AFF3: variants seen among roughly 807,000 people sequenced by gnomAD.
AFF3 encodes AF4/FMR2 family member 3.
In AFF3, 32 loss-of-function variants were observed where a neutral mutation model predicts 129.7. The observed-to-expected ratio is 0.25, with a 90% confidence interval of 0.19 to 0.33. AFF3 has a LOEUF of 0.33. Ranked by LOEUF, AFF3 falls within the 10% of genes least tolerant of loss-of-function variation. AFF3 has a pLI of 1.00. For synonymous variants in AFF3, 644 were observed against 635.4 expected (o/e 1.01, Z -0.20); for missense variants, 1,373 against 1,592.0 (o/e 0.86, Z 2.34).
intron 7 of AFF3, among the ~76,000 whole-genome samples, chr2:99,957,147 G>A (rs1156935240): frequency 2.2e-5 from 2 of 90,170 alleles, no homozygotes; most frequent in East Asian, 2.0e-4. Context: ...GTGGACATAC[G>A]TGTGTGTGTG....
At chr2:99,731,663 A>C (rs1558795374) in intron 10 of AFF3, among the ~76,000 whole-genome samples, 1 of 152,198 alleles carries the variant, frequency 6.6e-6, no homozygotes, top group East Asian at 1.9e-4. Flanking sequence ...GTCAAGTAAA[A>C]AATCATAAAC....
At chr2:100,111,223 A>G (rs2105528529) in intron 2 of AFF3, among the ~76,000 whole-genome samples, 1 of 152,370 alleles carries the variant, frequency 6.6e-6, no homozygotes, top group East Asian at 1.9e-4. Flanking sequence ...CTAACCCATT[A>G]GAGAAGTCAC....
intron 8 of AFF3, among the ~76,000 whole-genome samples, chr2:99,803,882 T>C (rs1256419105): frequency 2.0e-5 from 3 of 152,056 alleles, no homozygotes; most frequent in Non-Finnish European, 4.4e-5. Context: ...CAGCCACATG[T>C]AGAGGAATGA....
chr2:99,816,362 T>C (rs1454673711), intron 8 of AFF3, among the ~76,000 whole-genome samples: 1 of 152,234 alleles, frequency 6.6e-6, no homozygotes, highest in African/African-American at 2.4e-5. Flanking sequence ...TGATGACTGC[T>C]TTATCCCTTC....
chr2:99,767,679 T>G (rs7578433), intron 8 of AFF3, among the ~76,000 whole-genome samples: 1 of 152,348 alleles, frequency 6.6e-6, no homozygotes, highest in Non-Finnish European at 1.5e-5. Flanking sequence ...GAGCTGCAGC[T>G]GGGTGCGGTG....
At chr2:100,093,141 C>T (rs1225645434) in intron 4 of AFF3, among the ~76,000 whole-genome samples, 1 of 151,864 alleles carries the variant, frequency 6.6e-6, no homozygotes, top group Non-Finnish European at 1.5e-5. Context: ...AGGTCTCTCT[C>T]TGCCATCCAG....
chr2:99,806,567 G>A (rs1686369068), intron 8 of AFF3, among the ~76,000 whole-genome samples: 1 of 152,090 alleles, frequency 6.6e-6, no homozygotes, highest in Non-Finnish European at 1.5e-5. Flanking sequence ...CAGACTTGAT[G>A]GGGGGAAATC....
chr2:99,586,727 T>G (rs887778500), intron 16 of AFF3, among the ~76,000 whole-genome samples: 7 of 152,162 alleles, frequency 4.6e-5, no homozygotes, highest in Non-Finnish European at 1.0e-4. Flanking sequence ...AAGGCCACAA[T>G]TTTAGTCTAT....
chr2:99,585,098 C>T (rs915300985), intron 16 of AFF3, among the ~76,000 whole-genome samples: 1 of 152,134 alleles, frequency 6.6e-6, no homozygotes, highest in Non-Finnish European at 1.5e-5. Context: ...CTAGTGATGG[C>T]TAAGATGCTG....
chr2:99,551,380 A>G lies in AFF3; in HGVS notation c.*94T>C. 1.3e-6 allele frequency: 2 copies of G among 1,512,234 alleles called. No individual in the cohort carries two copies. The highest frequency in any genetic ancestry group is 1.8e-6 in the Non-Finnish European group (2 of 1,107,614). 93.7% of individuals were successfully genotyped at this position (1,512,234 alleles called of 1,614,324 possible). On this transcript the variant is annotated 3_prime_UTR_variant, in exon 25 of 25. Coordinates refer to ENST00000672756, the MANE Select transcript of AFF3 (RefSeq NM_001386135.1). ...GAGGAAATGTTCACCGCAGTCTGAT[A>G]AATGCTGTGGCTGGGAGTTTCAGTA...
chr2:99,778,017 T>C (rs893716507), intron 8 of AFF3, among the ~76,000 whole-genome samples: 2 of 135,308 alleles, frequency 1.5e-5, no homozygotes, highest in Non-Finnish European at 3.1e-5. Flanking sequence ...AAATGGGCAA[T>C]GTGCATGTCC....
rs540845945 is a variant in AFF3, at chr2:99,747,590, A to T, written c.1003-3450T>A. Among the ~76,000 whole-genome samples, 17 of 152,294 alleles carry T rather than the reference A, an allele frequency of 1.1e-4. No individual in the cohort carries two copies. In the South Asian group the frequency reaches 2.9e-3, roughly 26 times the overall value. On this transcript the variant is annotated intron_variant, in intron 9 of 24. Transcript: ENST00000672756. Reference sequence around the variant, plus strand: ...CAGATGACCTGAATTAGGATTACAAACCATAAGATCATGTATCCCATAGAT... The same window carrying T: ...CAGATGACCTGAATTAGGATTACAATCCATAAGATCATGTATCCCATAGAT...
At chr2:100,046,812 AG>A (rs1483654386) in intron 4 of AFF3, among the ~76,000 whole-genome samples, 2 of 152,318 alleles carry the variant, frequency 1.3e-5, no homozygotes, top group African/African-American at 4.8e-5. Flanking sequence ...CATCTTGAGC[AG>A]GTACCGTCCC....
intron 4 of AFF3, among the ~76,000 whole-genome samples, chr2:100,051,761 G>T (rs570029436): frequency 6.6e-6 from 1 of 152,300 alleles, no homozygotes; most frequent in South Asian, 2.1e-4. Context: ...GGACAGCCCA[G>T]ATAAAGGGAG....
At chr2:99,883,738 G>C (rs1576271373) in intron 7 of AFF3, among the ~76,000 whole-genome samples, 1 of 152,090 alleles carries the variant, frequency 6.6e-6, no homozygotes, top group Non-Finnish European at 1.5e-5. Flanking sequence ...AAAATCAACA[G>C]AGAGCCTTCT....
chr2:99,911,932 A>G (rs1452963749), intron 7 of AFF3, among the ~76,000 whole-genome samples: 1 of 152,350 alleles, frequency 6.6e-6, no homozygotes, highest in East Asian at 1.9e-4. Context: ...TGTCTTGTTA[A>G]GAGTGGCAGA....
At chr2:99,919,190 C>CT (rs754170521) in intron 7 of AFF3, among the ~76,000 whole-genome samples, 3 of 152,126 alleles carry the variant, frequency 2.0e-5, no homozygotes, top group African/African-American at 4.8e-5. Context: ...CCTAATTCTT[C>CT]TTTTATGGAT....
chr2:99,838,170 G>A (rs1368142306), intron 7 of AFF3, among the ~76,000 whole-genome samples: 1 of 152,174 alleles, frequency 6.6e-6, no homozygotes, highest in Non-Finnish European at 1.5e-5. Context: ...ACTCTGGGGA[G>A]CATTTTAAGT....
At chr2:99,709,433 G>GC (rs1371216108) in intron 11 of AFF3, among the ~76,000 whole-genome samples, 2 of 152,116 alleles carry the variant, frequency 1.3e-5, no homozygotes, top group Non-Finnish European at 2.9e-5. Flanking sequence ...AGTTTTAGGG[G>GC]TGAAGATCAC....
Sources: gnomAD v4.1 joint callset for allele counts (sites outside exome capture counted in the v4.1 genomes callset) on GRCh38, gnomAD v4.1.1 for gene constraint, MANE v1.5 for transcripts, NCBI Gene and HGNC (gene_info 2026-07-23, HGNC 2026-07-21) for gene names.